AKT1: variants seen among roughly 807,000 people sequenced by gnomAD.
The protein encoded by AKT1 is RAC-alpha serine/threonine-protein kinase.
A neutral mutation model predicts 63.1 loss-of-function variants in AKT1; 21 were observed. The observed-to-expected ratio is 0.33, with a 90% CI of 0.24 to 0.48. AKT1 has a LOEUF of 0.48. Among genes scored for constraint, AKT1 ranks in the 20% least tolerant of loss-of-function variants. The probability of loss-of-function intolerance (pLI) is 0.99; values close to 1 mark genes in which losing one functional copy is unlikely to be tolerated. For missense variants in AKT1, 382 were observed against 666.0 expected (o/e 0.57, Z 4.69); for synonymous variants, 257 against 253.1 (o/e 1.02, Z -0.15).
chr14:104,771,131 A>T, intron 13 of AKT1: 1 of 409,220 alleles, frequency 2.4e-6, no homozygotes, highest in South Asian at 5.6e-5. Flanking sequence ...GCTCTGAGAG[A>T]CCCTCCCTGC....
At chr14:104,780,371 C>T (rs540402035) in intron 3 of AKT1, among the ~76,000 whole-genome samples, 155 bp from the exon 4 acceptor site, 29 of 152,292 alleles carry the variant, frequency 1.9e-4, no homozygotes, top group African/African-American at 5.5e-4. Context: ...TTAGGGCCAG[C>T]GACAGAAACG....
intron 4 of AKT1, chr14:104,777,218 A>G: frequency 5.9e-6 from 1 of 168,460 alleles, no homozygotes; most frequent in Non-Finnish European, 1.2e-5. Flanking sequence ...TGGGAAATAC[A>G]GCCACCTGGA....
In AKT1 at chr14:104,773,866, C is replaced by T. The variant is rs374875731; in HGVS notation, c.702+46G>A. ...CGGGAAGGACCGGCCCCACCATGGG[C>T]GGCCCACAGGCCGCGAAGTCCATCC... is the stretch of plus-strand genomic sequence containing the variant. On this transcript the variant is annotated intron_variant, in intron 9 of 14. Transcript: ENST00000649815. 24 of 1,545,394 alleles carry T rather than the reference C, an allele frequency of 1.6e-5. No individual in the cohort carries two copies. In the African/African-American group the frequency reaches 1.8e-4, roughly 11 times the overall value.
Position 104,792,673 on chromosome 14 carries a change from G to T in AKT1, c.-30C>A. The T allele has an allele frequency of 6.2e-7, 1 of 1,606,382 alleles. No individual in the cohort carries two copies. ...CCCGAGGCTCCCGCGACGCTCACGC[G>T]CTCCTCTCAGGCTGGCGCTCCCCGA... is the stretch of plus-strand genomic sequence containing the variant. On this transcript the variant is annotated 5_prime_UTR_variant, in exon 3 of 15. Transcript: ENST00000649815.
Position 104,769,940 on chromosome 14 carries a change from G to T in AKT1, c.*401C>A, listed in dbSNP as rs553256558. The T allele has an allele frequency of 2.6e-3, 1,061 of 414,578 alleles. 3 individuals carry two copies. The highest frequency in any genetic ancestry group is 4.0e-3 in the Non-Finnish European group (892 of 223,448). The allele number at this position is 414,578 out of a possible 1,614,324, so 25.7% of individuals were successfully genotyped here. Reference sequence around the variant, plus strand: ...TTGAACTGAGGCCCAGGGCCCCAGAGAGATGACAGATAGCTGGTGACAGAC... The same window carrying T: ...TTGAACTGAGGCCCAGGGCCCCAGATAGATGACAGATAGCTGGTGACAGAC... On this transcript the variant is annotated 3_prime_UTR_variant, in exon 15 of 15. Transcript: ENST00000649815.
chr14:104,773,862 T>C (rs1382363671), intron 9 of AKT1, 50 bp downstream of exon 9: 20 of 1,538,412 alleles, frequency 1.3e-5, no homozygotes, highest in African/African-American at 2.7e-5. Flanking sequence ...GGCCCCACCA[T>C]GGGCGGCCCA....
In AKT1 at chr14:104,775,794, TCCTCCCTG is replaced by T. The variant is rs1301077757; in HGVS notation, c.288-3_292del. 1 of 1,613,732 alleles carries T rather than the reference TCCTCCCTG, an allele frequency of 6.2e-7. No homozygotes were observed. On this transcript the variant is annotated splice_acceptor_variant and splice_polypyrimidine_tract_variant and coding_sequence_variant and intron_variant, in exon 6 of 15. Coordinates refer to ENST00000649815, the MANE Select transcript of AKT1 (RefSeq NM_001382430.1). LOFTEE classifies it high-confidence loss of function. ...CACAGTCTGGATGGCGGTTGTCCAC[TCCTCCCTG>T]CAGGAGGTCAGGTGAGGCTGCAGGC... is the stretch of plus-strand genomic sequence containing the variant.
rs908743094 is a variant in AKT1, at chr14:104,771,570, AG to A, written c.1261-724del. The A allele has an allele frequency of 1.7e-5, 4 of 232,722 alleles. No individual in the cohort carries two copies. In the Admixed American group the frequency reaches 2.2e-4, roughly 13 times the overall value. 14.4% of individuals were successfully genotyped at this position (232,722 alleles called of 1,614,324 possible). ...CAGGGCAGGAGGGTGGCAGGCCTCA[AG>A]GCAGGAACGGGGACCAGGACCAGGG... On this transcript the variant is annotated intron_variant, in intron 13 of 14. Coordinates refer to ENST00000649815, the MANE Select transcript of AKT1 (RefSeq NM_001382430.1).
intron 4 of AKT1, among the ~76,000 whole-genome samples, chr14:104,779,222 A>T (rs1892893198): frequency 6.6e-6 from 1 of 152,128 alleles, no homozygotes; most frequent in Non-Finnish European, 1.5e-5. Context: ...GGAGCGTCAC[A>T]TGTCTCTCAT....
In AKT1 at chr14:104,793,240, C is replaced by T. The variant is rs187239247; in HGVS notation, c.-193G>A. 1.1e-5 allele frequency: 2 copies of T among 184,586 alleles called. No individual in the cohort carries two copies. Among genetic ancestry groups the T allele is most frequent in the Admixed American group, 1.2e-4 (2 of 16,924 alleles). 11.4% of individuals were successfully genotyped at this position (184,586 alleles called of 1,614,324 possible). ...TGACAGATGGCCCCGTTTGCTCTCC[C>T]TGTCCATGGTGTTCCTACCCATGGA... On this transcript the variant is annotated 5_prime_UTR_variant, in exon 2 of 15. Transcript: ENST00000649815.
In AKT1 at chr14:104,769,897, G is replaced by T; in HGVS notation, c.*444C>A. The T allele has an allele frequency of 5.1e-6, 2 of 394,304 alleles. No homozygotes were observed. The highest frequency in any genetic ancestry group is 4.7e-6 in the Non-Finnish European group (1 of 212,164). 24.4% of individuals were successfully genotyped at this position (394,304 alleles called of 1,614,324 possible). On this transcript the variant is annotated 3_prime_UTR_variant, in exon 15 of 15. Coordinates refer to ENST00000649815, the MANE Select transcript of AKT1 (RefSeq NM_001382430.1). ...CTGGCCAGCATACCATAGTGAGGTT[G>T]CATCTGGTGCCACCAGGTTGAACTG...
At chr14:104,773,705 C>CG in intron 9 of AKT1, 125 bp from the exon 10 acceptor site, 2 of 1,409,728 alleles carry the variant, frequency 1.4e-6, no homozygotes, top group South Asian at 2.8e-5. Context: ...CCAGAGGGCA[C>CG]GGGGGCCTGG....
At chr14:104,775,849 A>G (rs964237753) in intron 5 of AKT1, 50 bp from the exon 6 acceptor site, 1 of 1,568,742 alleles carries the variant, frequency 6.4e-7, no homozygotes, top group Non-Finnish European at 8.6e-7. Flanking sequence ...CAGGAGCTCC[A>G]CCCCACGTCT....
chr14:104,791,397 G>T (rs180751164), intron 3 of AKT1, among the ~76,000 whole-genome samples: 2 of 151,968 alleles, frequency 1.3e-5, no homozygotes, highest in African/African-American at 4.8e-5. Context: ...GGAGGCCTTG[G>T]GGGGAAGCAG....
At chr14:104,783,892 A>C (rs61759796) in intron 3 of AKT1, among the ~76,000 whole-genome samples, 2,005 of 152,310 alleles carry the variant, frequency 0.013, 32 homozygotes, top group African/African-American at 0.045. Flanking sequence ...GAAGACGGCT[A>C]GGTGCCCCTT....
At chr14:104,787,532 A>C (rs778270748) in intron 3 of AKT1, among the ~76,000 whole-genome samples, 6 of 152,372 alleles carry the variant, frequency 3.9e-5, no homozygotes, top group Non-Finnish European at 5.9e-5. Flanking sequence ...GGGTGTGCCC[A>C]GGCAGAGGGG....
At chr14:104,790,088 A>G in intron 3 of AKT1, among the ~76,000 whole-genome samples, 1 of 152,170 alleles carries the variant, frequency 6.6e-6, no homozygotes, top group South Asian at 2.1e-4. Context: ...TCTCATCTCA[A>G]TGACCACATC....
intron 3 of AKT1, among the ~76,000 whole-genome samples, chr14:104,788,042 ACT>A (rs1209306445): frequency 6.6e-6 from 1 of 150,788 alleles, no homozygotes; most frequent in Admixed American, 6.6e-5. Flanking sequence ...TGGGACCCCC[ACT>A]CTCTGCCCAG....
In AKT1 at chr14:104,792,627, A is replaced by G. The variant is rs1404637346; in HGVS notation, c.17T>C (p.Ile6Thr). MSDVAIVKEGWLHKRG... is the reference protein window; with the variant it reads MSDVATVKEGWLHKRG... ...TTTGTGCAGCCAACCCTCCTTCACAATAGCCACGTCGCTCATGGTGCCCGA... is the reference window on the plus strand; with the variant it reads ...TTTGTGCAGCCAACCCTCCTTCACAGTAGCCACGTCGCTCATGGTGCCCGA... The change falls in exon 3 of 15, where the codon ATT (isoleucine) becomes ACT (threonine). Residue 6 changes from isoleucine (I) to threonine (T), a missense_variant. Transcript: ENST00000649815. 2.0e-5 allele frequency: 33 copies of G among 1,611,560 alleles called. No individual in the cohort carries two copies. The highest frequency in any genetic ancestry group is 2.7e-5 in the Non-Finnish European group (32 of 1,179,868).
Sources: allele counts gnomAD v4.1 joint callset (sites outside exome capture counted in the v4.1 genomes callset), GRCh38; gene constraint gnomAD v4.1.1; transcripts MANE v1.5; gene names NCBI Gene and HGNC (gene_info 2026-07-23, HGNC 2026-07-21).